Variants in PKN2 observed in about 807,000 individuals in gnomAD.
The protein encoded by PKN2 is protein kinase N2.
Under a neutral mutation model 119.1 loss-of-function variants are expected in PKN2, and 38 were observed. That is an observed-to-expected ratio of 0.32 (90% CI 0.25 to 0.42). The LOEUF is 0.42. PKN2 is among the 10% of genes least tolerant of loss of function. The pLI is 1.00. For synonymous variants in PKN2, 390 were observed against 384.9 expected (o/e 1.01, Z -0.15); for missense variants, 850 against 1,165.1 (o/e 0.73, Z 3.94).
rs752346363 is a variant in PKN2 at position 88,787,078 on chromosome 1, A to G, written c.1281+865A>G. ...GAGGTAGGAATGTAATACTCACAGA[A>G]CTGTTAGGATGAAAAACCAAGAGTA... On this transcript the variant is annotated intron_variant, in intron 8 of 21. Coordinates refer to ENST00000370521, the MANE Select transcript of PKN2 (RefSeq NM_006256.4). 4.0e-5 allele frequency among the ~76,000 whole-genome samples: 6 copies of G among 151,856 alleles called. No homozygotes were observed. The South Asian group carries it at 1.2e-3, about 32-fold the overall frequency.
intron 6 of PKN2, among the ~76,000 whole-genome samples, chr1:88,783,156 C>T (rs1043579525): frequency 1.3e-5 from 2 of 152,182 alleles, no homozygotes; most frequent in African/African-American, 4.8e-5. Context: ...TCAGTGGGTT[C>T]TTTCCCCTGC....
rs10573546 is a variant in PKN2 at position 88,789,662 on chromosome 1, C to CATAATAATAATAATAATAATA, written c.1281+3460_1281+3480dup. Among the ~76,000 whole-genome samples, 34 of 146,476 alleles carry CATAATAATAATAATAATAATA rather than the reference C, an allele frequency of 2.3e-4. No homozygotes were observed. The East Asian group carries it at 2.6e-3, about 11-fold the overall frequency. ...TGGGCGACAGAGCAAGACTCTATCT[C>CATAATAATAATAATAATAATA]ATAATAATAATAATAATAATAATAA... On this transcript the variant is annotated intron_variant, in intron 8 of 21. Coordinates refer to ENST00000370521, the MANE Select transcript of PKN2 (RefSeq NM_006256.4).
intron 3 of PKN2, among the ~76,000 whole-genome samples, chr1:88,765,764 T>C (rs952224687): frequency 6.6e-5 from 10 of 152,222 alleles, no homozygotes; most frequent in Non-Finnish European, 1.3e-4. Context: ...GAAACCTTTC[T>C]GGATTCCCTT....
intron 8 of PKN2, among the ~76,000 whole-genome samples, chr1:88,801,226 A>C (rs1006651060): frequency 2.6e-5 from 4 of 152,096 alleles, no homozygotes; most frequent in African/African-American, 9.7e-5. Flanking sequence ...CTCTATTAAA[A>C]ATACAAAAAT....
chr1:88,703,694 A>T (rs1666861151), intron 1 of PKN2, among the ~76,000 whole-genome samples: 1 of 152,180 alleles, frequency 6.6e-6, no homozygotes, highest in Admixed American at 6.5e-5. Flanking sequence ...TAGGAACAAC[A>T]TAATGTGGTA....
Position 88,834,353 on chromosome 1 carries a change from A to C in PKN2, c.*905A>C, listed in dbSNP as rs1391737670. The C allele has an allele frequency of 6.6e-6, 1 of 152,452 alleles. No individual in the cohort carries two copies. The highest frequency in any genetic ancestry group is 1.5e-5 in the Non-Finnish European group (1 of 67,946). The allele number at this position is 152,452 out of a possible 1,614,324, so 9.4% of individuals were successfully genotyped here. A position where few individuals can be genotyped will look rare whatever the true frequency, so the allele number is the denominator to read the frequency against. On this transcript the variant is annotated 3_prime_UTR_variant, in exon 22 of 22. Transcript: ENST00000370521. ...TTCACCTTGGTTTTGTGTCTGCTGT[A>C]GAAGGGAACCATAACTTGGTTAAAC...
intron 1 of PKN2, among the ~76,000 whole-genome samples, chr1:88,728,345 CAATAAATACTACTTTTCTGGAGAAGGAA>C (rs1385134572): frequency 2.0e-5 from 3 of 152,050 alleles, no homozygotes; most frequent in African/African-American, 4.8e-5. Context: ...TCTCAGGTCT[CAATAAATACTACTTTTCTGGAGAAGGAA>C]AATAAATACT....
chr1:88,803,077 TA>T (rs1338064557), intron 8 of PKN2, among the ~76,000 whole-genome samples: 26 of 152,356 alleles, frequency 1.7e-4, no homozygotes, highest in African/African-American at 6.0e-4. Flanking sequence ...TTGCTAGTCT[TA>T]ATTATATTCT....
intron 1 of PKN2, among the ~76,000 whole-genome samples, chr1:88,696,776 T>C (rs1054950055): frequency 1.3e-5 from 2 of 152,178 alleles, no homozygotes; most frequent in Admixed American, 1.3e-4. Flanking sequence ...ATTCTCCTGC[T>C]TAAATGTTTC....
rs1206592713 is a variant in PKN2, at chr1:88,715,996, T to C, written c.49-24992T>C. Among the ~76,000 whole-genome samples the C allele has an allele frequency of 2.6e-5, 4 of 152,058 alleles. No homozygotes were observed. In the East Asian group the frequency reaches 7.7e-4, roughly 29 times the overall value. ...CCCAGAGATGCTGGTCCACTGTCTTTGTTCTCATTGGTTTCAAATAACTTG... is the reference window on the plus strand; with the variant it reads ...CCCAGAGATGCTGGTCCACTGTCTTCGTTCTCATTGGTTTCAAATAACTTG... On this transcript the variant is annotated intron_variant, in intron 1 of 21. Coordinates refer to ENST00000370521, the MANE Select transcript of PKN2 (RefSeq NM_006256.4).
At chr1:88,730,398 C>A (rs1425895309) in intron 1 of PKN2, among the ~76,000 whole-genome samples, 1 of 152,194 alleles carries the variant, frequency 6.6e-6, no homozygotes, top group Non-Finnish European at 1.5e-5. Context: ...CAGGCTCTCT[C>A]TCTTTCTGCT....
chr1:88,761,470 C>G (rs1288775235), intron 3 of PKN2, among the ~76,000 whole-genome samples: 1 of 151,104 alleles, frequency 6.6e-6, no homozygotes, highest in Non-Finnish European at 1.5e-5. Context: ...TGCATCCTAA[C>G]TACTCACCCC....
intron 6 of PKN2, among the ~76,000 whole-genome samples, chr1:88,782,680 CTT>C (rs1670394722): frequency 6.6e-6 from 1 of 151,718 alleles, no homozygotes; most frequent in Admixed American, 6.6e-5. Context: ...TGGTTTAAGT[CTT>C]TTTCATTTCT....
chr1:88,782,899 A>G (rs558063438), intron 6 of PKN2, among the ~76,000 whole-genome samples: 1 of 152,270 alleles, frequency 6.6e-6, no homozygotes, highest in Non-Finnish European at 1.5e-5. Flanking sequence ...ATTTCTATAA[A>G]TGTTCTTGAG....
chr1:88,745,958 G>T lies in PKN2; in HGVS notation c.349+4670G>T, dbSNP rs142813524. ...AAATCAATTGATTTTTGACAAAGCT[G>T]CCAAGAACACACGGTGGGGACTGGA... On this transcript the variant is annotated intron_variant, in intron 2 of 21. Coordinates refer to ENST00000370521, the MANE Select transcript of PKN2 (RefSeq NM_006256.4). Among the ~76,000 whole-genome samples, 7 of 152,264 alleles carry T rather than the reference G, an allele frequency of 4.6e-5. No individual in the cohort carries two copies. The East Asian group carries it at 1.4e-3, about 29-fold the overall frequency.
chr1:88,712,002 T>TA, intron 1 of PKN2, among the ~76,000 whole-genome samples: 1 of 146,792 alleles, frequency 6.8e-6, no homozygotes, highest in Non-Finnish European at 1.5e-5. Flanking sequence ...ATTTTTAACT[T>TA]ACTTTTTTCC....
chr1:88,749,444 A>G (rs1668901236), intron 2 of PKN2, among the ~76,000 whole-genome samples: 2 of 152,150 alleles, frequency 1.3e-5, no homozygotes, highest in African/African-American at 2.4e-5. Flanking sequence ...CACAGTGTTA[A>G]CCCTGCCTAT....
In PKN2 at chr1:88,828,566, A is replaced by G. The variant is rs758150143; in HGVS notation, c.2505A>G (p.Thr835=). 1.9e-6 allele frequency: 3 copies of G among 1,613,432 alleles called. No individual in the cohort carries two copies. The highest frequency in any genetic ancestry group is 2.5e-6 in the Non-Finnish European group (3 of 1,179,550). The change falls in exon 19 of 22, where the codon ACA becomes ACG. Residue 835 remains threonine (T), a synonymous_variant. Transcript: ENST00000370521. ...AAGTATTAACAGAAACTTCTTATAC[A>G]AGGGCTGTAGATTGGTGGGGCCTTG... The part of the protein sequence containing the change: ...APEVLTETSY[T]RAVDWWGLGV...
intron 6 of PKN2, among the ~76,000 whole-genome samples, chr1:88,780,150 T>C (rs1390686887): frequency 1.3e-5 from 2 of 152,212 alleles, no homozygotes; most frequent in African/African-American, 4.8e-5. Flanking sequence ...CCAAACTGAT[T>C]CCAAAGCTTT....
Sources: gnomAD v4.1 joint callset for allele counts (sites outside exome capture counted in the v4.1 genomes callset) on GRCh38, gnomAD v4.1.1 for gene constraint, MANE v1.5 for transcripts, NCBI Gene and HGNC (gene_info 2026-07-23, HGNC 2026-07-21) for gene names.